Variants in ANKFY1 observed in about 807,000 individuals in gnomAD.
The protein encoded by ANKFY1 is ankyrin repeat and FYVE domain containing 1, also known as ankyrin repeat and FYVE domain-containing protein 1.
Under a neutral mutation model 128.3 loss-of-function variants are expected in ANKFY1, and 47 were observed. The observed-to-expected ratio is 0.37, with a 90% CI of 0.29 to 0.47. ANKFY1 has a LOEUF of 0.47. Among genes scored for constraint, ANKFY1 ranks in the 20% least tolerant of loss-of-function variants. The pLI, the probability that ANKFY1 is intolerant of heterozygous loss-of-function variation, is 1.00. For missense variants in ANKFY1, 1,222 were observed against 1,510.6 expected (o/e 0.81, Z 3.17); for synonymous variants, 553 against 601.6 (o/e 0.92, Z 1.18).
chr17:4,213,992 AG>A (rs2060180314), intron 4 of ANKFY1, among the ~76,000 whole-genome samples: 1 of 152,208 alleles, frequency 6.6e-6, no homozygotes, highest in Non-Finnish European at 1.5e-5. Context: ...AGAGCATTCC[AG>A]CAGAAAAAAA....
intron 19 of ANKFY1, among the ~76,000 whole-genome samples, chr17:4,174,623 T>C (rs889339967): frequency 6.6e-6 from 1 of 152,148 alleles, no homozygotes; most frequent in African/African-American, 2.4e-5. Flanking sequence ...ATAAATGCCA[T>C]ACTCCGAAGA....
Position 4,206,322 on chromosome 17 carries a change from T to A in ANKFY1, c.897A>T (p.Arg299Ser), listed in dbSNP as rs1387853382. The change falls in exon 7 of 25, where the codon AGA (arginine) becomes AGT (serine). Residue 299 changes from arginine to serine, a missense_variant and splice_region_variant. Arg to Ser is a moderately radical substitution (Grantham distance 110, BLOSUM62 -1). Coordinates refer to ENST00000341657, the MANE Select transcript of ANKFY1 (RefSeq NM_001330063.2). Reference protein sequence around the residue: ...GWSLLHKGIQRGDLFAATFLI... With the variant: ...GWSLLHKGIQSGDLFAATFLI... ...GGAAACATACACACTTCTTCCTACC[T>A]CTTTGGATTCCTTTGTGTAACAAGC... 6.2e-7 allele frequency: 1 copy of A among 1,611,792 alleles called. No homozygotes were observed. The highest frequency in any genetic ancestry group is 2.2e-5 in the East Asian group (1 of 44,776).
chr17:4,222,280 C>T (rs9906937), intron 3 of ANKFY1: 1 of 652,970 alleles, frequency 1.5e-6, no homozygotes, highest in African/African-American at 1.8e-5. Flanking sequence ...GAGCCTCTAC[C>T]TGAGTGAGGA....
chr17:4,198,525 C>T (rs1214395078), intron 7 of ANKFY1, among the ~76,000 whole-genome samples: 1 of 152,002 alleles, frequency 6.6e-6, no homozygotes, highest in African/African-American at 2.4e-5. Context: ...GCATGTGCCA[C>T]CACACCTGGC....
chr17:4,175,223 C>A (rs934863643), intron 19 of ANKFY1, among the ~76,000 whole-genome samples: 3 of 151,514 alleles, frequency 2.0e-5, no homozygotes, highest in Non-Finnish European at 4.4e-5. Context: ...ATCACAGCTA[C>A]TCGGGAGGAT....
Position 4,233,886 on chromosome 17 carries a change from A to AACAAAGAT in ANKFY1, c.322+1878_322+1885dup, listed in dbSNP as rs2067585657. On this transcript the variant is annotated intron_variant, in intron 3 of 24. Transcript: ENST00000341657. ...ACCTTCTCAACTGACAAACCTTCTG[A>AACAAAGAT]ACAAAGATATAATTCACACAATCAC... Among the ~76,000 whole-genome samples, 5 of 152,216 alleles carry AACAAAGAT rather than the reference A, an allele frequency of 3.3e-5. No individual in the cohort carries two copies. The South Asian group carries it at 1.0e-3, about 31-fold the overall frequency.
rs755640421 is a variant in ANKFY1 at position 4,170,784 on chromosome 17, T to C, written c.3217A>G (p.Asn1073Asp). The C allele has an allele frequency of 1.9e-6, 3 of 1,614,158 alleles. No homozygotes were observed. The highest frequency in any genetic ancestry group is 4.5e-5 in the East Asian group (2 of 44,878). ...IVRSGARLGV[N>D]NNQGVNIFNY... The stretch of plus-strand genomic sequence containing the variant: ...AAGATGTTGACTCCCTGGTTGTTAT[T>C]CACCCCGAGGCGAGCCCCCGACCGG... Residue 1073 changes from asparagine (N) to aspartate (D), a missense_variant, in exon 23 of 25, where the codon AAT (asparagine) becomes GAT (aspartate). Coordinates refer to ENST00000341657, the MANE Select transcript of ANKFY1 (RefSeq NM_001330063.2).
At chr17:4,211,688 C>A (rs2060133476) in intron 4 of ANKFY1, among the ~76,000 whole-genome samples, 2 of 152,004 alleles carry the variant, frequency 1.3e-5, no homozygotes, top group African/African-American at 4.8e-5. Context: ...GGCAACACAG[C>A]AAGACCCTGT....
In ANKFY1 at chr17:4,235,713, C is replaced by G; in HGVS notation, c.322+59G>C. ...AATATTTCAAAATGAGACACCACAA[C>G]CTTCTGCCAAGAGCCCTTCCGCTAG... On this transcript the variant is annotated intron_variant, in intron 3 of 24. Coordinates refer to ENST00000341657, the MANE Select transcript of ANKFY1 (RefSeq NM_001330063.2). 5 of 1,221,300 alleles carry G rather than the reference C, an allele frequency of 4.1e-6. No individual in the cohort carries two copies. In the South Asian group the frequency reaches 6.2e-5, roughly 15 times the overall value. The allele number at this position is 1,221,300 out of a possible 1,614,324, so 75.7% of individuals were successfully genotyped here.
intron 7 of ANKFY1, among the ~76,000 whole-genome samples, chr17:4,200,929 C>T (rs1296406589): frequency 6.6e-6 from 1 of 152,184 alleles, no homozygotes; most frequent in Non-Finnish European, 1.5e-5. Context: ...TGGTAAAGCT[C>T]TCTCAGGTCT....
At chr17:4,250,517 A>C (rs1967769269) in intron 1 of ANKFY1, among the ~76,000 whole-genome samples, 1 of 152,180 alleles carries the variant, frequency 6.6e-6, no homozygotes, top group Non-Finnish European at 1.5e-5. Context: ...CAACCTAAAT[A>C]AACAGAGAGT....
intron 1 of ANKFY1, among the ~76,000 whole-genome samples, chr17:4,256,603 T>A (rs1968144741): frequency 6.6e-6 from 1 of 152,122 alleles, no homozygotes; most frequent in African/African-American, 2.4e-5. Flanking sequence ...TTTTGGTGAC[T>A]GACTTGAGAG....
intron 1 of ANKFY1, among the ~76,000 whole-genome samples, chr17:4,255,817 C>CTTTTTTTTTT (rs111967049): frequency 6.9e-6 from 1 of 144,776 alleles, no homozygotes. Flanking sequence ...TACTACTTTT[C>CTTTTTTTTTT]TTTTTTTTTT....
intron 3 of ANKFY1, among the ~76,000 whole-genome samples, chr17:4,221,375 C>T (rs2143075954): frequency 6.6e-6 from 1 of 152,282 alleles, no homozygotes; most frequent in East Asian, 1.9e-4. Flanking sequence ...CTGTGCCTGG[C>T]TAATTTTTGC....
At position 4,228,512 on chromosome 17, in the gene ANKFY1, G is replaced by C. The variant is rs563457890; in HGVS notation, c.322+7260C>G. Among the ~76,000 whole-genome samples the C allele has an allele frequency of 3.9e-5, 6 of 152,142 alleles. No homozygotes were observed. The South Asian group carries it at 1.0e-3, about 26-fold the overall frequency. On this transcript the variant is annotated intron_variant, in intron 3 of 24. Transcript: ENST00000341657. ...GCTCACTGCAACCTCTGCCTCCCAGGTTCAAGCAATCTCCTACCTCAGCCT... is the reference window on the plus strand; with the variant it reads ...GCTCACTGCAACCTCTGCCTCCCAGCTTCAAGCAATCTCCTACCTCAGCCT...
chr17:4,229,414 GCT>G (rs1567962899), intron 3 of ANKFY1, among the ~76,000 whole-genome samples: 1 of 150,302 alleles, frequency 6.7e-6, no homozygotes, highest in Non-Finnish European at 1.5e-5. Context: ...ACAGAGTGAG[GCT>G]CTGTCTCAAA....
At position 4,173,351 on chromosome 17, in the gene ANKFY1, C is replaced by A; in HGVS notation, c.3014+3G>T. 4 of 1,613,990 alleles carry A rather than the reference C, an allele frequency of 2.5e-6. No individual in the cohort carries two copies. Among genetic ancestry groups the A allele is most frequent in the Non-Finnish European group, 3.4e-6 (4 of 1,179,940 alleles). ...GGGGCCTACTCGGGCCCAACGCGCTCACCTGAGATTAAAGGCTTCGGCGTC... is the reference window on the plus strand; with the variant it reads ...GGGGCCTACTCGGGCCCAACGCGCTAACCTGAGATTAAAGGCTTCGGCGTC... On this transcript the variant is annotated splice_donor_region_variant and intron_variant, in intron 21 of 24. Coordinates refer to ENST00000341657, the MANE Select transcript of ANKFY1 (RefSeq NM_001330063.2).
rs143537555 is a variant in ANKFY1, at chr17:4,238,590, C to T, written c.204-2700G>A. ...CCAGGTTCAAGCGATTCTCCTGCCT[C>T]GGCCTGCTGAGTAGCTGGGATTACA... On this transcript the variant is annotated intron_variant, in intron 2 of 24. Transcript: ENST00000341657. Among the ~76,000 whole-genome samples the T allele has an allele frequency of 4.9e-3, 740 of 152,122 alleles. 5 individuals are homozygous for T. The highest frequency in any genetic ancestry group is 0.017 in the African/African-American group (720 of 41,492).
intron 7 of ANKFY1, among the ~76,000 whole-genome samples, chr17:4,197,947 G>A (rs2059856621): frequency 6.6e-6 from 1 of 151,996 alleles, no homozygotes. Context: ...CTGACCAACA[G>A]GGAAAAACCC....
Sources: allele counts gnomAD v4.1 joint callset (sites outside exome capture counted in the v4.1 genomes callset), GRCh38; gene constraint gnomAD v4.1.1; transcripts MANE v1.5; gene names NCBI Gene and HGNC (gene_info 2026-07-23, HGNC 2026-07-21).